COL5A2: variants seen among roughly 807,000 people sequenced by gnomAD.
COL5A2 encodes the protein collagen type V alpha 2 chain.
COL5A2 carries 23 observed loss-of-function variants against 208.2 expected under a neutral mutation model. The ratio of observed to expected loss-of-function variants is 0.11; its 90% CI spans 0.08 to 0.16. The LOEUF (loss-of-function observed/expected upper bound fraction) is 0.16, where lower values mean the gene tolerates loss of function less well. Among genes scored for constraint, COL5A2 ranks in the 10% least tolerant of loss-of-function variants. The pLI is 1.00. For synonymous variants in COL5A2, 625 were observed against 628.5 expected (o/e 0.99, Z 0.08); for missense variants, 1,590 against 1,956.4 (o/e 0.81, Z 3.53).
At chr2:189,245,342 A>G in the COL5A2 span, among the ~76,000 whole-genome samples, 1 of 152,182 alleles carries the variant, frequency 6.6e-6, no homozygotes, top group Non-Finnish European at 1.5e-5. Context: ...AACTTACTGT[A>G]ACAGTTAGAT....
At chr2:189,152,284 T>C (rs1191274509) in intron 1 of COL5A2, among the ~76,000 whole-genome samples, 1 of 152,208 alleles carries the variant, frequency 6.6e-6, no homozygotes, top group Non-Finnish European at 1.5e-5. Flanking sequence ...AGTTTCTAAC[T>C]TCAAGTACAA....
At chr2:189,241,711 A>T in the COL5A2 span, among the ~76,000 whole-genome samples, 2 of 152,198 alleles carry the variant, frequency 1.3e-5, no homozygotes, top group African/African-American at 2.4e-5. Flanking sequence ...TATTTTTCCC[A>T]ATATCCTTTA....
chr2:189,041,534 C>A, intron 50 of COL5A2, 52 bp downstream of exon 50: 1 of 1,376,176 alleles, frequency 7.3e-7, no homozygotes, highest in Non-Finnish European at 1.0e-6. Context: ...TGGACGGAAT[C>A]TGAGCTATTG....
At chr2:189,068,298 G>C (rs780281477) in intron 19 of COL5A2, 28 bp from the exon 20 acceptor site, 1 of 1,573,854 alleles carries the variant, frequency 6.4e-7, no homozygotes, top group South Asian at 1.1e-5. Flanking sequence ...AGTATGTAAT[G>C]AAATATTAAG....
At chr2:189,264,270 G>A in the COL5A2 span, among the ~76,000 whole-genome samples, 1 of 151,898 alleles carries the variant, frequency 6.6e-6, no homozygotes, top group African/African-American at 2.4e-5. Flanking sequence ...CTAAATAATG[G>A]AAAACATTTA....
chr2:189,296,011 T>C, the COL5A2 span, among the ~76,000 whole-genome samples: 6 of 152,162 alleles, frequency 3.9e-5, no homozygotes, highest in Non-Finnish European at 7.3e-5. Flanking sequence ...TTTCTGAAGT[T>C]TTTTAATCAA....
chr2:189,053,534 A>G, intron 37 of COL5A2, 57 bp from the exon 38 acceptor site: 1 of 1,387,618 alleles, frequency 7.2e-7, no homozygotes, highest in East Asian at 2.3e-5. Context: ...CAGGAACAGT[A>G]TTTTAAAATA....
chr2:189,244,094 G>C, the COL5A2 span, among the ~76,000 whole-genome samples: 1 of 152,224 alleles, frequency 6.6e-6, no homozygotes, highest in African/African-American at 2.4e-5. Context: ...CTCCAGGCCT[G>C]TGATGGGAGG....
Position 189,034,274 on chromosome 2 carries a change from G to C in COL5A2, c.4354-58C>G, listed in dbSNP as rs141438440. 327 of 1,572,938 alleles carry C rather than the reference G, an allele frequency of 2.1e-4. 2 individuals are homozygous for C. The African/African-American group carries it at 3.9e-3, about 19-fold the overall frequency. Reference sequence around the variant, plus strand: ...CATACAATTTTTTCCAAGTATGTTAGACAGCAACCTTCCCAGACACTTTTA... The same window carrying C: ...CATACAATTTTTTCCAAGTATGTTACACAGCAACCTTCCCAGACACTTTTA... On this transcript the variant is annotated intron_variant, in intron 53 of 53. Coordinates refer to ENST00000374866, the MANE Select transcript of COL5A2 (RefSeq NM_000393.5).
intron 1 of COL5A2, among the ~76,000 whole-genome samples, chr2:189,223,299 C>T (rs914557439): frequency 6.6e-6 from 1 of 152,144 alleles, no homozygotes; most frequent in African/African-American, 2.4e-5. Context: ...CAAAGCCATA[C>T]ACTGAACAGA....
the COL5A2 span, among the ~76,000 whole-genome samples, chr2:189,425,363 G>C: frequency 1.6e-4 from 25 of 152,214 alleles, no homozygotes; most frequent in Non-Finnish European, 2.5e-4. Context: ...TATAGCCAAA[G>C]AAAATGAAAT....
chr2:189,114,649 AT>A (rs200473498), intron 1 of COL5A2, among the ~76,000 whole-genome samples: 4,148 of 145,668 alleles, frequency 0.028, 97 homozygotes, highest in Non-Finnish European at 0.034. Flanking sequence ...AAAAAAAAAA[AT>A]GTTTCTTAAA....
the COL5A2 span, among the ~76,000 whole-genome samples, chr2:189,321,447 G>T: frequency 1.3e-5 from 2 of 152,040 alleles, no homozygotes; most frequent in African/African-American, 4.8e-5. Flanking sequence ...ACACACATAG[G>T]CTCAAAATAA....
chr2:189,302,832 G>A, the COL5A2 span, among the ~76,000 whole-genome samples: 1 of 152,118 alleles, frequency 6.6e-6, no homozygotes, highest in Non-Finnish European at 1.5e-5. Flanking sequence ...ATCAGCTGCT[G>A]TGGTATCATA....
chr2:189,265,250 T>C, the COL5A2 span, among the ~76,000 whole-genome samples: 2 of 152,124 alleles, frequency 1.3e-5, no homozygotes, highest in Admixed American at 6.6e-5. Context: ...ATTTACCAGA[T>C]TAACATAAAC....
chr2:189,220,423 T>C (rs1480340915), intron 1 of COL5A2, among the ~76,000 whole-genome samples: 3 of 152,230 alleles, frequency 2.0e-5, no homozygotes, highest in African/African-American at 7.2e-5. Flanking sequence ...TCAGAATTAT[T>C]TTAATTGTAT....
chr2:189,039,413 T>C lies in COL5A2; in HGVS notation c.3784A>G (p.Asn1262Asp). The C allele has an allele frequency of 6.2e-7, 1 of 1,613,998 alleles. No homozygotes were observed. Among genetic ancestry groups the C allele is most frequent in the Non-Finnish European group, 8.5e-7 (1 of 1,179,998 alleles). Reference sequence around the variant, plus strand: ...GCATGAACCCCTGGGTCCGTTTTGTTTTTGTCATCAGGAGCCGCCTGATCT... The same window carrying C: ...GCATGAACCCCTGGGTCCGTTTTGTCTTTGTCATCAGGAGCCGCCTGATCT... ...TEDQAAPDDK[N>D]KTDPGVHATL... Residue 1262 changes from asparagine (N) to aspartate (D), a missense_variant, in exon 51 of 54, where the codon AAC (asparagine) becomes GAC (aspartate). By Grantham distance (23) the Asn-to-Asp change is conservative. Transcript: ENST00000374866.
chr2:189,316,766 T>A, the COL5A2 span, among the ~76,000 whole-genome samples: 1 of 130,100 alleles, frequency 7.7e-6, no homozygotes, highest in African/African-American at 3.0e-5. Flanking sequence ...TATTTATTTA[T>A]TTTTAGTCAC....
upstream of COL5A2, among the ~76,000 whole-genome samples, chr2:189,227,196 G>A (rs1188908938): frequency 6.6e-6 from 1 of 151,932 alleles, no homozygotes; most frequent in East Asian, 1.9e-4. Flanking sequence ...ACACAAATGG[G>A]GGGAAAAATG....
Sources: allele counts gnomAD v4.1 joint callset (sites outside exome capture counted in the v4.1 genomes callset), GRCh38; gene constraint gnomAD v4.1.1; transcripts MANE v1.5; gene names NCBI Gene and HGNC (gene_info 2026-07-23, HGNC 2026-07-21).